Variants in VTI1A observed in about 807,000 individuals in gnomAD.
The protein encoded by VTI1A is vesicle transport through interaction with t-SNAREs 1A.
A neutral mutation model predicts 34.9 loss-of-function variants in VTI1A; 22 were observed. That is an observed-to-expected ratio of 0.63 (90% CI 0.45 to 0.90). The LOEUF (loss-of-function observed/expected upper bound fraction) is 0.90, where lower values mean the gene tolerates loss of function less well. VTI1A is among the 40% of genes least tolerant of loss of function. The probability of loss-of-function intolerance (pLI) is 0.00; values close to 1 mark genes in which losing one functional copy is unlikely to be tolerated. For synonymous variants in VTI1A, 87 were observed against 97.3 expected (o/e 0.89, Z 0.62); for missense variants, 268 against 275.6 (o/e 0.97, Z 0.20).
chr10:112,685,816 G>A (rs1392870219), intron 7 of VTI1A, among the ~76,000 whole-genome samples: 1 of 151,970 alleles, frequency 6.6e-6, no homozygotes, highest in African/African-American at 2.4e-5. Flanking sequence ...CTTTGTCTGT[G>A]GACTGTCTTT....
At chr10:112,562,093 G>A (rs998319645) in intron 5 of VTI1A, among the ~76,000 whole-genome samples, 1 of 151,934 alleles carries the variant, frequency 6.6e-6, no homozygotes, top group Non-Finnish European at 1.5e-5. Flanking sequence ...TAAAATAATG[G>A]CAAATGCCTA....
In VTI1A at chr10:112,492,357, C is replaced by T. The variant is rs543245801; in HGVS notation, c.264+27700C>T. Among the ~76,000 whole-genome samples the T allele has an allele frequency of 2.0e-5, 3 of 152,236 alleles. No homozygotes were observed. In the East Asian group the frequency reaches 5.8e-4, roughly 29 times the overall value. On this transcript the variant is annotated intron_variant, in intron 3 of 7. Coordinates refer to ENST00000393077, the MANE Select transcript of VTI1A (RefSeq NM_145206.4). ...GTACAAGGGGAGCCTTTGATATTAG[C>T]CCTAAGGGTCTTTTACACTCAGAAA... is the stretch of plus-strand genomic sequence containing the variant.
rs11816271 is a variant in VTI1A, at chr10:112,784,111, G to C, written c.561-31179G>C. Among the ~76,000 whole-genome samples the C allele has an allele frequency of 4.8e-3, 725 of 152,214 alleles. 6 individuals are homozygous for C. Among genetic ancestry groups the C allele is most frequent in the African/African-American group, 0.017 (697 of 41,538 alleles). On this transcript the variant is annotated intron_variant, in intron 7 of 7. Coordinates refer to ENST00000393077, the MANE Select transcript of VTI1A (RefSeq NM_145206.4). ...CACACTAATCTTTTTTTCTCTTCTC[G>C]TGTTTTTTTATCAGTTCAGACCTTG...
chr10:112,725,588 A>G (rs77435309), intron 7 of VTI1A, among the ~76,000 whole-genome samples: 89 of 152,366 alleles, frequency 5.8e-4, no homozygotes, highest in African/African-American at 2.0e-3. Flanking sequence ...ATTAGGGATT[A>G]CAACATGGTA....
Position 112,747,047 on chromosome 10 carries a change from G to C in VTI1A, c.561-68243G>C, listed in dbSNP as rs1476045950. Among the ~76,000 whole-genome samples the C allele has an allele frequency of 2.0e-5, 3 of 152,178 alleles. No individual in the cohort carries two copies. In the East Asian group the frequency reaches 5.8e-4, roughly 29 times the overall value. ...CAGCGCAGTCACACAGCCAACAAGT[G>C]GTGGAGACCAGATTTGAACTAGGGC... On this transcript the variant is annotated intron_variant, in intron 7 of 7. Transcript: ENST00000393077.
chr10:112,842,683 T>C, the VTI1A span, among the ~76,000 whole-genome samples: 4 of 152,224 alleles, frequency 2.6e-5, no homozygotes, highest in African/African-American at 9.7e-5. Flanking sequence ...TGCTTCCTTT[T>C]CTGCACTCCG....
chr10:112,796,776 T>C (rs974692954), intron 7 of VTI1A, among the ~76,000 whole-genome samples: 2 of 152,220 alleles, frequency 1.3e-5, no homozygotes, highest in Admixed American at 6.5e-5. Flanking sequence ...TCAGCTAATT[T>C]GATAGTTCTC....
chr10:112,502,437 T>G (rs1385046438), intron 3 of VTI1A, among the ~76,000 whole-genome samples: 1 of 152,212 alleles, frequency 6.6e-6, no homozygotes, highest in African/African-American at 2.4e-5. Context: ...CCTGTGACCT[T>G]CCAGTCAACA....
At chr10:112,847,076 A>G in the VTI1A span, among the ~76,000 whole-genome samples, 3 of 152,236 alleles carry the variant, frequency 2.0e-5, no homozygotes, top group Non-Finnish European at 4.4e-5. Context: ...TAGCTAACAC[A>G]GCTACTGTTG....
At chr10:112,678,288 A>G (rs974091767) in intron 7 of VTI1A, among the ~76,000 whole-genome samples, 2 of 152,014 alleles carry the variant, frequency 1.3e-5, no homozygotes, top group Non-Finnish European at 2.9e-5. Context: ...TGCACTTTAC[A>G]TTTTCCGTCA....
At chr10:112,521,578 T>A (rs915008648) in intron 3 of VTI1A, among the ~76,000 whole-genome samples, 1 of 151,996 alleles carries the variant, frequency 6.6e-6, no homozygotes, top group African/African-American at 2.4e-5. Flanking sequence ...TACCATTATT[T>A]TAGAGATGAA....
intron 7 of VTI1A, among the ~76,000 whole-genome samples, chr10:112,679,576 G>A (rs1418891728): frequency 6.6e-6 from 1 of 151,932 alleles, no homozygotes; most frequent in Non-Finnish European, 1.5e-5. Flanking sequence ...TGGAACCAAG[G>A]TGTGAATATC....
chr10:112,538,435 G>A (rs1021681239), intron 5 of VTI1A, 105 bp downstream of exon 5: 15 of 1,046,770 alleles, frequency 1.4e-5, no homozygotes, highest in African/African-American at 8.0e-5. Context: ...ACAGCAGCCC[G>A]AGATGTGGTT....
chr10:112,469,125 T>C (rs1424105371), intron 3 of VTI1A, among the ~76,000 whole-genome samples: 1 of 152,222 alleles, frequency 6.6e-6, no homozygotes, highest in Non-Finnish European at 1.5e-5. Flanking sequence ...TTTCTAGGTA[T>C]TCTATCTTGT....
chr10:112,737,793 T>G (rs1026576784), intron 7 of VTI1A: 1 of 1,060,022 alleles, frequency 9.4e-7, no homozygotes, highest in African/African-American at 1.6e-5. Context: ...AATTACAAAT[T>G]GATGATTTTC....
intron 5 of VTI1A, among the ~76,000 whole-genome samples, chr10:112,582,932 C>A (rs1334911940): frequency 3.3e-5 from 5 of 152,148 alleles, no homozygotes; most frequent in African/African-American, 1.2e-4. Flanking sequence ...AAATCTCCAT[C>A]AGTGACCTGC....
rs1326350620 is a variant in VTI1A, at chr10:112,817,059, G to A, written c.*1676G>A. 5.2e-5 allele frequency: 12 copies of A among 232,330 alleles called. No homozygotes were observed. The highest frequency in any genetic ancestry group is 9.4e-5 in the Non-Finnish European group (11 of 117,550). The allele number at this position is 232,330 out of a possible 1,614,324, so 14.4% of individuals were successfully genotyped here. ...ATTTTCCTGTCAGCTTAAGGGATCC[G>A]TCTCAGCAAGAATCTTGTATTCTGA... On this transcript the variant is annotated 3_prime_UTR_variant, in exon 8 of 8. Transcript: ENST00000393077.
chr10:112,621,784 CAT>C (rs1845747550), intron 5 of VTI1A, among the ~76,000 whole-genome samples: 1 of 152,198 alleles, frequency 6.6e-6, no homozygotes, highest in Non-Finnish European at 1.5e-5. Context: ...CCTTTCATGA[CAT>C]GTGCTGTTCC....
intron 5 of VTI1A, among the ~76,000 whole-genome samples, chr10:112,622,020 A>G (rs930586899): frequency 2.0e-5 from 3 of 152,096 alleles, no homozygotes; most frequent in African/African-American, 4.8e-5. Flanking sequence ...AGAGAGAGAG[A>G]GAGAGTTGGG....
Sources: allele counts gnomAD v4.1 joint callset (sites outside exome capture counted in the v4.1 genomes callset), GRCh38; gene constraint gnomAD v4.1.1; transcripts MANE v1.5; gene names NCBI Gene and HGNC (gene_info 2026-07-23, HGNC 2026-07-21).